ARFIP1: variants seen among roughly 807,000 people sequenced by gnomAD.
ARFIP1 encodes arfaptin-1.
Under a neutral mutation model 42.5 loss-of-function variants are expected in ARFIP1, and 24 were observed. The observed-to-expected ratio is 0.57, with a 90% CI of 0.41 to 0.80. ARFIP1 has a LOEUF of 0.80. Among genes scored for constraint, ARFIP1 ranks in the 30% least tolerant of loss-of-function variants. The pLI is 0.00. For synonymous variants in ARFIP1, 141 were observed against 153.7 expected, an observed-to-expected ratio of 0.92 and a Z score of 0.61; for missense variants, 354 against 434.0, an observed-to-expected ratio of 0.82 and a Z score of 1.64.
At chr4:152,851,931 A>C (rs1733016864) in intron 2 of ARFIP1, among the ~76,000 whole-genome samples, 1 of 152,234 alleles carries the variant, frequency 6.6e-6, no homozygotes. Flanking sequence ...GCTTTATGAA[A>C]GCTATTACTA....
chr4:152,902,675 G>T (rs1679660586), intron 8 of ARFIP1, among the ~76,000 whole-genome samples: 1 of 152,186 alleles, frequency 6.6e-6, no homozygotes, highest in African/African-American at 2.4e-5. Flanking sequence ...CTCAGTTCCT[G>T]TGGGCTGATA....
chr4:152,796,265 CA>C (rs1731464246), intron 1 of ARFIP1: 6 of 1,024,804 alleles, frequency 5.9e-6, no homozygotes, highest in East Asian at 2.4e-5. Flanking sequence ...TATTGGTAGG[CA>C]AAAGGTGGCT....
At chr4:152,825,553 A>G (rs1235813382) in intron 1 of ARFIP1, among the ~76,000 whole-genome samples, 2 of 152,220 alleles carry the variant, frequency 1.3e-5, no homozygotes, top group African/African-American at 2.4e-5. Context: ...CTCAAGATGG[A>G]TTAAAGACTT....
intron 1 of ARFIP1, among the ~76,000 whole-genome samples, chr4:152,819,428 C>A (rs1730176259): frequency 1.3e-5 from 2 of 152,178 alleles, no homozygotes; most frequent in South Asian, 4.1e-4. Flanking sequence ...CACTTCCCTC[C>A]CACCCCCATC....
chr4:152,796,634 C>T (rs1333663179), intron 1 of ARFIP1: 14 of 901,882 alleles, frequency 1.6e-5, no homozygotes, highest in Non-Finnish European at 2.5e-5. Flanking sequence ...TTTCTCTTTT[C>T]ATGCATCTTG....
In ARFIP1 at chr4:152,882,793, T is replaced by G; in HGVS notation, c.704T>G (p.Ile235Ser). Residue 235 changes from isoleucine to serine, a missense_variant, in exon 7 of 9, where the codon ATT (isoleucine) becomes AGT (serine). Ile to Ser is a moderately radical substitution (Grantham distance 142). Coordinates refer to ENST00000353617, the MANE Select transcript of ARFIP1 (RefSeq NM_001025595.3). ...AKNGETLLGA[I>S]NFFIASVNTL... Reference sequence around the variant, plus strand: ...AATGGAGAGACTCTTCTTGGGGCCATTAATTTTTTCATTGCTAGTGTGAAC... The same window carrying G: ...AATGGAGAGACTCTTCTTGGGGCCAGTAATTTTTTCATTGCTAGTGTGAAC... 4 of 1,613,254 alleles carry G rather than the reference T, an allele frequency of 2.5e-6. No homozygotes were observed. Among genetic ancestry groups the G allele is most frequent in the Non-Finnish European group, 3.4e-6 (4 of 1,179,492 alleles).
rs1289115903 is a variant in ARFIP1 at position 152,910,071 on chromosome 4, T to C, written c.974T>C (p.Val325Ala). The change falls in exon 9 of 9, where the codon GTA (valine) becomes GCA (alanine). Residue 325 changes from valine (V) to alanine (A), a missense_variant. Physicochemically the swap from Val to Ala is moderately conservative, Grantham distance 64 (BLOSUM62 0). Transcript: ENST00000353617. ...LKFLEENKVK[V>A]LHNQLVLFHN... ...ACTCTGCCCTGTCCACAGGTTAAAG[T>C]ATTGCACAATCAGCTGGTCCTTTTC... The C allele has an allele frequency of 1.2e-5, 19 of 1,614,158 alleles. No individual in the cohort carries two copies. Among genetic ancestry groups the C allele is most frequent in the Non-Finnish European group, 1.6e-5 (19 of 1,180,008 alleles).
At chr4:152,852,102 A>T (rs11722620) in intron 2 of ARFIP1, among the ~76,000 whole-genome samples, 57,867 of 152,148 alleles carry the variant, frequency 0.38, 12,077 homozygotes, top group Admixed American at 0.49. Context: ...ATAAAAGGTT[A>T]ACTCAGGTTT....
At chr4:152,872,865 T>G (rs1167311002) in intron 5 of ARFIP1, among the ~76,000 whole-genome samples, 2 of 152,214 alleles carry the variant, frequency 1.3e-5, no homozygotes, top group East Asian at 3.8e-4. Context: ...TAGATATATT[T>G]GCTCCTTCCC....
chr4:152,859,016 C>G (rs1339961815), intron 2 of ARFIP1, among the ~76,000 whole-genome samples: 1 of 152,180 alleles, frequency 6.6e-6, no homozygotes, highest in Admixed American at 6.5e-5. Context: ...CAATATTTTT[C>G]TTTTCCTTTA....
At chr4:152,879,124 C>A (rs371018440) in intron 5 of ARFIP1, among the ~76,000 whole-genome samples, 15 of 151,794 alleles carry the variant, frequency 9.9e-5, no homozygotes, top group East Asian at 3.9e-4. Context: ...TGATCTCTCA[C>A]CCGTCCTGTT....
At chr4:152,873,390 T>C (rs1735056231) in intron 5 of ARFIP1, among the ~76,000 whole-genome samples, 1 of 152,194 alleles carries the variant, frequency 6.6e-6, no homozygotes, top group Admixed American at 6.5e-5. Flanking sequence ...AGTTAATACC[T>C]TAAAAATATG....
intron 1 of ARFIP1, among the ~76,000 whole-genome samples, chr4:152,822,610 C>T (rs1730477965): frequency 1.3e-5 from 2 of 152,194 alleles, no homozygotes; most frequent in Admixed American, 6.5e-5. Context: ...GCAGAATAAA[C>T]ATGATTCTCA....
intron 2 of ARFIP1, among the ~76,000 whole-genome samples, chr4:152,848,561 A>G (rs1022513871): frequency 2.6e-5 from 4 of 152,206 alleles, no homozygotes; most frequent in Admixed American, 1.3e-4. Context: ...GCAGTCTGCA[A>G]TATCATACAC....
intron 3 of ARFIP1, among the ~76,000 whole-genome samples, chr4:152,866,569 G>A (rs1372508310): frequency 1.3e-5 from 2 of 151,436 alleles, no homozygotes; most frequent in Admixed American, 6.6e-5. Flanking sequence ...CCTCCTGGAC[G>A]GGGCGGCTGG....
chr4:152,848,358 G>A (rs890033619), intron 2 of ARFIP1, among the ~76,000 whole-genome samples: 2 of 152,100 alleles, frequency 1.3e-5, no homozygotes, highest in African/African-American at 4.8e-5. Context: ...ACGAGGACGA[G>A]GACTAGAAAC....
chr4:152,839,514 G>A (rs1731899018), intron 2 of ARFIP1, among the ~76,000 whole-genome samples: 1 of 152,112 alleles, frequency 6.6e-6, no homozygotes, highest in South Asian at 2.1e-4. Context: ...TAGGAAGGTT[G>A]TATTTTTCCA....
chr4:152,802,386 A>C (rs1728495289), intron 1 of ARFIP1, among the ~76,000 whole-genome samples: 3 of 152,316 alleles, frequency 2.0e-5, no homozygotes, highest in African/African-American at 4.8e-5. Context: ...ACTGAACTTA[A>C]GAATTTGATC....
At chr4:152,788,147 G>A (rs748066528) in intron 1 of ARFIP1, among the ~76,000 whole-genome samples, 3 of 152,122 alleles carry the variant, frequency 2.0e-5, no homozygotes, top group Non-Finnish European at 2.9e-5. Flanking sequence ...GTGGAAGATC[G>A]TTTGAACCTG....
Sources: allele counts gnomAD v4.1 joint callset (sites outside exome capture counted in the v4.1 genomes callset), GRCh38; gene constraint gnomAD v4.1.1; transcripts MANE v1.5; gene names NCBI Gene and HGNC (gene_info 2026-07-23, HGNC 2026-07-21).